Variants in ARHGAP23 observed in about 807,000 individuals in gnomAD.
ARHGAP23 encodes rho GTPase-activating protein 23.
In ARHGAP23, 34 loss-of-function variants were observed where a neutral mutation model predicts 136.3. The observed-to-expected ratio is 0.25, with a 90% CI of 0.19 to 0.33. The LOEUF (loss-of-function observed/expected upper bound fraction) is 0.33, where lower values mean the gene tolerates loss of function less well. Ranked by LOEUF, ARHGAP23 falls within the 10% of genes least tolerant of loss-of-function variation. The pLI is 1.00. For synonymous variants in ARHGAP23, 832 were observed against 920.5 expected (o/e 0.90, Z 1.74); for missense variants, 1,808 against 2,139.0 (o/e 0.85, Z 3.05).
upstream of ARHGAP23, among the ~76,000 whole-genome samples, chr17:38,425,452 C>T (rs6503608): frequency 0.54 from 82,557 of 152,108 alleles, 25,546 homozygotes; most frequent in African/African-American, 0.87. Flanking sequence ...AGAGTCACAA[C>T]TGGAGGAGAC....
chr17:38,489,819 C>A (rs888039164), intron 17 of ARHGAP23: 4 of 379,866 alleles, frequency 1.1e-5, no homozygotes, highest in Admixed American at 4.0e-5. Context: ...GGGGCAGGGA[C>A]CCCTTTTCTG....
intron 14 of ARHGAP23, among the ~76,000 whole-genome samples, chr17:38,481,647 C>T (rs925724868): frequency 3.9e-5 from 6 of 152,098 alleles, no homozygotes; most frequent in Non-Finnish European, 7.4e-5. Flanking sequence ...TAGTCCCAGC[C>T]ACTCGGGAGG....
intron 6 of ARHGAP23, among the ~76,000 whole-genome samples, chr17:38,465,884 G>A (rs1033246547): frequency 2.6e-5 from 4 of 152,274 alleles, no homozygotes; most frequent in African/African-American, 4.8e-5. Flanking sequence ...CCAGGAAACA[G>A]ATGCTGGAAT....
rs992923664 is a variant in ARHGAP23 at position 38,497,688 on chromosome 17, G to T, written c.3277-97G>T. ...GCCTGGGGTTTGTTGAGAGAGAGGC[G>T]CCCCTTGCCGCCTGAGCGGGTCCTC... On this transcript the variant is annotated intron_variant, in intron 20 of 23. Transcript: ENST00000622683. 13 of 1,296,116 alleles carry T rather than the reference G, an allele frequency of 1.0e-5. No homozygotes were observed. The East Asian group carries it at 3.3e-4, about 33-fold the overall frequency. 80.3% of individuals were successfully genotyped at this position (1,296,116 alleles called of 1,614,324 possible).
At chr17:38,481,383 G>A (rs1363876667) in intron 14 of ARHGAP23, among the ~76,000 whole-genome samples, 2 of 151,994 alleles carry the variant, frequency 1.3e-5, no homozygotes, top group Non-Finnish European at 2.9e-5. Context: ...TCCTGACCTC[G>A]TGATCCGCCC....
chr17:38,434,706 C>T (rs895262900), intron 1 of ARHGAP23, among the ~76,000 whole-genome samples: 3 of 152,208 alleles, frequency 2.0e-5, no homozygotes, highest in East Asian at 1.9e-4. Flanking sequence ...CATTCTGGCC[C>T]GAGAGTGTTT....
At chr17:38,434,747 G>T (rs1402325695) in intron 1 of ARHGAP23, among the ~76,000 whole-genome samples, 1 of 152,254 alleles carries the variant, frequency 6.6e-6, no homozygotes, top group Non-Finnish European at 1.5e-5. Flanking sequence ...GTCTGGCTCT[G>T]TGCTCCTGTA....
At chr17:38,426,550 C>CAAAAAAAAAAAAAAAAAAAAAAAA (rs751365956), upstream of ARHGAP23, among the ~76,000 whole-genome samples, 53 of 51,202 alleles carry the variant, frequency 1.0e-3, 3 homozygotes, top group Non-Finnish European at 1.2e-3. Flanking sequence ...AACTCCATCT[C>CAAAAAAAAAAAAAAAAAAAAAAAA]AAAAAAAAAA....
intron 14 of ARHGAP23, 47 bp from the exon 15 acceptor site, chr17:38,481,975 C>A (rs1234574419): frequency 1.4e-6 from 2 of 1,470,418 alleles, no homozygotes; most frequent in Non-Finnish European, 9.0e-7. Flanking sequence ...TGTGTGTGAC[C>A]CTCCTGGATA....
intron 2 of ARHGAP23, among the ~76,000 whole-genome samples, chr17:38,460,016 G>A (rs1458949274): frequency 1.3e-5 from 2 of 152,168 alleles, no homozygotes; most frequent in Admixed American, 1.3e-4. Context: ...TACCCTGCGA[G>A]CTATACAATG....
intron 23 of ARHGAP23, among the ~76,000 whole-genome samples, chr17:38,504,978 CTTTTTTTTTTTTTTTTTTTTTTTTTTT>C (rs71138627): frequency 3.9e-4 from 17 of 43,166 alleles, no homozygotes; most frequent in Admixed American, 1.8e-3. Context: ...CCCTTATCAT[CTTTTTTTTTTTTTTTTTTTTTTTTTTT>C]TTTTTTTTTT....
chr17:38,505,980 T>A (rs1274340318), intron 23 of ARHGAP23, among the ~76,000 whole-genome samples: 1 of 152,134 alleles, frequency 6.6e-6, no homozygotes, highest in Non-Finnish European at 1.5e-5. Flanking sequence ...ACGACACCTA[T>A]CTACACAAAT....
intron 1 of ARHGAP23, among the ~76,000 whole-genome samples, chr17:38,442,329 A>G (rs1227089819): frequency 6.6e-6 from 1 of 152,112 alleles, no homozygotes; most frequent in Non-Finnish European, 1.5e-5. Context: ...GTGGGGATAT[A>G]AAAAGCCCCT....
chr17:38,474,785 C>T (rs1302777299), intron 11 of ARHGAP23, among the ~76,000 whole-genome samples: 3 of 152,082 alleles, frequency 2.0e-5, no homozygotes, highest in Non-Finnish European at 4.4e-5. Context: ...TGACAGAGAC[C>T]AAAAAGAGCC....
chr17:38,500,515 G>A, intron 22 of ARHGAP23, 82 bp from the exon 23 acceptor site: 2 of 1,275,054 alleles, frequency 1.6e-6, no homozygotes, highest in Non-Finnish European at 2.2e-6. Context: ...AAGCCTTTGA[G>A]GAGAGGGAAT....
At chr17:38,447,270 C>T (rs1280845296) in intron 1 of ARHGAP23, among the ~76,000 whole-genome samples, 4 of 151,628 alleles carry the variant, frequency 2.6e-5, no homozygotes, top group Non-Finnish European at 5.9e-5. Flanking sequence ...GGTGAAACCC[C>T]ATCTCCACTG....
intron 1 of ARHGAP23, among the ~76,000 whole-genome samples, chr17:38,456,436 T>C (rs1475616029): frequency 1.3e-5 from 2 of 152,172 alleles, no homozygotes; most frequent in African/African-American, 4.8e-5. Context: ...ACTCCAGAAC[T>C]GATGAGCTTC....
chr17:38,460,783 G>T, intron 2 of ARHGAP23, 122 bp from the exon 3 acceptor site: 5 of 1,530,922 alleles, frequency 3.3e-6, no homozygotes, highest in Non-Finnish European at 3.5e-6. Flanking sequence ...TCCCCTGCTG[G>T]GCTACTTGGG....
chr17:38,473,159 G>T (rs543375465), intron 11 of ARHGAP23, among the ~76,000 whole-genome samples: 1 of 138,212 alleles, frequency 7.2e-6, no homozygotes, highest in Non-Finnish European at 1.5e-5. Context: ...TCACCATGTT[G>T]GTCAGGCTGG....
Sources: gnomAD v4.1 joint callset for allele counts (sites outside exome capture counted in the v4.1 genomes callset) on GRCh38, gnomAD v4.1.1 for gene constraint, MANE v1.5 for transcripts, NCBI Gene and HGNC (gene_info 2026-07-23, HGNC 2026-07-21) for gene names.